CEP63: variants seen among roughly 807,000 people sequenced by gnomAD.
CEP63 encodes the protein centrosomal protein of 63 kDa.
In CEP63, 84 loss-of-function variants were observed where a neutral mutation model predicts 89.1. The ratio of observed to expected loss-of-function variants is 0.94; its 90% CI spans 0.79 to 1.13. The LOEUF is 1.13. Ranked by LOEUF, CEP63 falls within the 50% of genes most tolerant of loss-of-function variation. CEP63 has a pLI of 0.00. For missense variants in CEP63, 838 were observed against 813.3 expected (o/e 1.03, Z -0.37); for synonymous variants, 267 against 272.5 (o/e 0.98, Z 0.20).
intron 6 of CEP63, among the ~76,000 whole-genome samples, chr3:134,543,459 A>T (rs996644745): frequency 1.3e-5 from 2 of 152,234 alleles, no homozygotes; most frequent in African/African-American, 2.4e-5. Flanking sequence ...ATAGTAAATC[A>T]GTGAAAGAAG....
At chr3:134,708,709 C>T in the CEP63 span, among the ~76,000 whole-genome samples, 1 of 152,188 alleles carries the variant, frequency 6.6e-6, no homozygotes, top group African/African-American at 2.4e-5. Flanking sequence ...TGGGGAGAAG[C>T]ACATGCCTTC....
intron 1 of CEP63, 58 bp downstream of exon 1, chr3:134,486,260 A>G: frequency 1.0e-6 from 1 of 985,528 alleles, no homozygotes; most frequent in Non-Finnish European, 1.2e-6. Context: ...GCCGGTGCGC[A>G]AGTTGGAGGG....
chr3:134,507,630 G>C (rs777495982), intron 3 of CEP63, among the ~76,000 whole-genome samples: 7 of 152,022 alleles, frequency 4.6e-5, no homozygotes, highest in Non-Finnish European at 1.0e-4. Flanking sequence ...TGGCTTCACT[G>C]TATGGCTGGT....
At chr3:134,687,336 A>T in the CEP63 span, among the ~76,000 whole-genome samples, 9 of 152,234 alleles carry the variant, frequency 5.9e-5, no homozygotes, top group Non-Finnish European at 4.4e-5. Context: ...TCTGGAAAAC[A>T]TATGGAGAAA....
chr3:134,762,387 G>C, the CEP63 span, among the ~76,000 whole-genome samples: 19,787 of 152,194 alleles, frequency 0.13, 1,412 homozygotes, highest in Middle Eastern at 0.18. Context: ...TGCCAAAAGT[G>C]CATGTGAGTG....
At chr3:134,660,237 C>T in the CEP63 span, among the ~76,000 whole-genome samples, 4 of 152,270 alleles carry the variant, frequency 2.6e-5, no homozygotes, top group African/African-American at 4.8e-5. Context: ...CTGCTCTGCC[C>T]TCCGGGCAAG....
At chr3:134,540,013 C>T (rs1951678247) in intron 6 of CEP63, among the ~76,000 whole-genome samples, 1 of 152,038 alleles carries the variant, frequency 6.6e-6, no homozygotes, top group Admixed American at 6.6e-5. Flanking sequence ...CCTATATGCA[C>T]TGTGAATGGG....
intron 1 of CEP63, 144 bp downstream of exon 1, chr3:134,486,346 T>G (rs1176216028): frequency 1.2e-5 from 12 of 985,568 alleles, no homozygotes; most frequent in Non-Finnish European, 1.3e-5. Context: ...CCTCATGGCT[T>G]GCGGCCGGTT....
Position 134,550,111 on chromosome 3 carries a change from G to C in CEP63, c.1231G>C (p.Glu411Gln). The change falls in exon 11 of 15, where the codon GAA becomes CAA. Residue 411 changes from glutamate to glutamine, a missense_variant. Coordinates refer to ENST00000675561, the MANE Select transcript of CEP63 (RefSeq NM_001353108.3). The part of the protein sequence containing the change: ...QGEQSYSSAL[E>Q]GMKMEISHLT... Reference sequence around the variant, plus strand: ...TGAACAAAGTTACAGTTCTGCACTAGAAGGAATGAAGATGGAAATCTCCCA... The same window carrying C: ...TGAACAAAGTTACAGTTCTGCACTACAAGGAATGAAGATGGAAATCTCCCA... 5 of 1,613,944 alleles carry C rather than the reference G, an allele frequency of 3.1e-6. No homozygotes were observed. Among genetic ancestry groups the C allele is most frequent in the Non-Finnish European group, 3.4e-6 (4 of 1,179,904 alleles).
the CEP63 span, among the ~76,000 whole-genome samples, chr3:134,738,661 T>G: frequency 2.0e-5 from 3 of 152,112 alleles, no homozygotes; most frequent in Non-Finnish European, 4.4e-5. Flanking sequence ...ACAAATACAG[T>G]GCAGTGTACA....
At chr3:134,648,210 G>A in the CEP63 span, among the ~76,000 whole-genome samples, 5 of 152,194 alleles carry the variant, frequency 3.3e-5, no homozygotes, top group African/African-American at 2.4e-5. Context: ...CTTGGTGGCC[G>A]AGGAGGTTTC....
the CEP63 span, among the ~76,000 whole-genome samples, chr3:134,710,967 G>A: frequency 6.6e-6 from 1 of 152,048 alleles, no homozygotes; most frequent in East Asian, 1.9e-4. Flanking sequence ...TGATCTGCCC[G>A]CCTCAGCCTC....
At chr3:134,627,868 A>G in the CEP63 span, 4 of 1,437,720 alleles carry the variant, frequency 2.8e-6, no homozygotes, top group Non-Finnish European at 2.9e-6. Flanking sequence ...AGAAACAGAA[A>G]TGCAAGCACT....
chr3:134,493,701 C>A (rs1938567176), intron 1 of CEP63, among the ~76,000 whole-genome samples: 1 of 152,160 alleles, frequency 6.6e-6, no homozygotes, highest in Non-Finnish European at 1.5e-5. Context: ...CTATATTTAT[C>A]ACACTGGGAA....
intron 3 of CEP63, among the ~76,000 whole-genome samples, chr3:134,528,660 T>C (rs2108962539): frequency 6.6e-6 from 1 of 152,104 alleles, no homozygotes; most frequent in East Asian, 1.9e-4. Flanking sequence ...TACATACTGA[T>C]GTGCTTGATG....
chr3:134,569,150 A>G (rs561098772), downstream of CEP63, among the ~76,000 whole-genome samples: 1 of 152,252 alleles, frequency 6.6e-6, no homozygotes, highest in South Asian at 2.1e-4. Context: ...TTCAGGTGAA[A>G]TTTGGGTGGG....
At chr3:134,668,279 A>G in the CEP63 span, among the ~76,000 whole-genome samples, 2 of 152,212 alleles carry the variant, frequency 1.3e-5, no homozygotes, top group African/African-American at 4.8e-5. Flanking sequence ...GTGTAAACCC[A>G]AGTCTGCACT....
At chr3:134,648,730 A>ACTTCCAGCAGAAGGCC in the CEP63 span, among the ~76,000 whole-genome samples, 1 of 152,032 alleles carries the variant, frequency 6.6e-6, no homozygotes, top group African/African-American at 2.4e-5. Flanking sequence ...CAGAAGGGCC[A>ACTTCCAGCAGAAGGCC]CTTCCAGCAG....
chr3:134,546,261 A>T lies in CEP63; in HGVS notation c.902A>T (p.Asn301Ile), dbSNP rs750447493. 9.9e-5 allele frequency: 160 copies of T among 1,613,632 alleles called. 1 individual carries two copies. The South Asian group carries it at 1.7e-3, about 17-fold the overall frequency. ...EKLQEKVKATNTQHAVEAIRP... is the reference protein window; with the variant it reads ...EKLQEKVKATITQHAVEAIRP... Reference sequence around the variant, plus strand: ...TTACAAGAAAAAGTAAAGGCAACTAACACTCAACATGCTGTAGAAGCTATA... The same window carrying T: ...TTACAAGAAAAAGTAAAGGCAACTATCACTCAACATGCTGTAGAAGCTATA... Residue 301 changes from asparagine (N) to isoleucine (I), a missense_variant, in exon 8 of 15, where the codon AAC (asparagine) becomes ATC (isoleucine). By Grantham distance (149) the Asn-to-Ile change is moderately radical (BLOSUM62 -3). Coordinates refer to ENST00000675561, the MANE Select transcript of CEP63 (RefSeq NM_001353108.3).
Sources: gnomAD v4.1 joint callset for allele counts (sites outside exome capture counted in the v4.1 genomes callset) on GRCh38, gnomAD v4.1.1 for gene constraint, MANE v1.5 for transcripts, NCBI Gene and HGNC (gene_info 2026-07-23, HGNC 2026-07-21) for gene names.